TBCD: variants seen among roughly 807,000 people sequenced by gnomAD.
The protein encoded by TBCD is tubulin-specific chaperone D.
Under a neutral mutation model 169.3 loss-of-function variants are expected in TBCD, and 105 were observed. The ratio of observed to expected loss-of-function variants is 0.62; its 90% CI spans 0.53 to 0.73. The LOEUF (loss-of-function observed/expected upper bound fraction) is 0.73, where lower values mean the gene tolerates loss of function less well. Ranked by LOEUF, TBCD falls within the 30% of genes least tolerant of loss-of-function variation. The pLI is 0.00. For synonymous variants in TBCD, 700 were observed against 643.9 expected (o/e 1.09, Z -1.32); for missense variants, 1,444 against 1,600.1 (o/e 0.90, Z 1.66).
intron 13 of TBCD, among the ~76,000 whole-genome samples, chr17:82,846,055 G>T (rs189407050): frequency 6.6e-6 from 1 of 152,214 alleles, no homozygotes; most frequent in African/African-American, 2.4e-5. Context: ...GAACGGCTCC[G>T]GGCCGGAGGG....
chr17:82,883,968 G>C (rs80073406), intron 14 of TBCD, among the ~76,000 whole-genome samples, 177 bp from the exon 15 acceptor site: 5,230 of 152,256 alleles, frequency 0.034, 300 homozygotes, highest in African/African-American at 0.12. Context: ...CTGGTGTCTT[G>C]GGGGTCACAT....
chr17:82,936,841 AACAAC>A (rs1310682016), intron 34 of TBCD, among the ~76,000 whole-genome samples: 1 of 152,180 alleles, frequency 6.6e-6, no homozygotes, highest in African/African-American at 2.4e-5. Flanking sequence ...GAAGGCTCAA[AACAAC>A]ACTGCACAGC....
Position 82,782,685 on chromosome 17 carries a change from C to T in TBCD, c.771+964C>T, listed in dbSNP as rs2049024559. 6.6e-6 allele frequency among the ~76,000 whole-genome samples: 1 copy of T among 152,148 alleles called. No individual in the cohort carries two copies. The highest frequency in any genetic ancestry group is 1.5e-5 in the Non-Finnish European group (1 of 68,032). On this transcript the variant is annotated intron_variant, in intron 7 of 38. Transcript: ENST00000355528. This position sits in a 1 kb window ranked among gnomAD's most constrained non-coding sequence, Gnocchi z 5.1. ...GCGTTTTAGGGGAGATGATGAGTGC[C>T]ACCTCGCCACGGCGTCCTCCTGTCC...
chr17:82,938,217 T>C, intron 36 of TBCD, 81 bp downstream of exon 36: 1 of 1,446,238 alleles, frequency 6.9e-7, no homozygotes. Flanking sequence ...GCTGGCACTG[T>C]TGTGTTGGTG....
chr17:82,880,921 G>A lies in TBCD; in HGVS notation c.1476-3224G>A, dbSNP rs1022544006. Among the ~76,000 whole-genome samples the A allele has an allele frequency of 5.4e-5, 8 of 147,538 alleles. No individual in the cohort carries two copies. Among genetic ancestry groups the A allele is most frequent in the African/African-American group, 7.3e-5 (3 of 41,112 alleles). On this transcript the variant is annotated intron_variant, in intron 14 of 38. Coordinates refer to ENST00000355528, the MANE Select transcript of TBCD (RefSeq NM_005993.5). This position sits in a 1 kb window ranked among gnomAD's most constrained non-coding sequence, Gnocchi z 5.0. The stretch of plus-strand genomic sequence containing the variant: ...GGGTAGACTTTGGATGGCTCCAGGC[G>A]GAACTCGGGGAAGGAGGCCGTGTAC...
chr17:82,943,372 T>C lies in TBCD; in HGVS notation c.*909T>C, dbSNP rs552781084. On this transcript the variant is annotated 3_prime_UTR_variant, in exon 39 of 39. Transcript: ENST00000355528. ...ATCTCTGGGACCTGTGCTGTGCTCA[T>C]AGGGCTTGAGGTGCAGAACCACGGC... 1 of 152,244 alleles carries C rather than the reference T, an allele frequency of 6.6e-6. No homozygotes were observed. Among genetic ancestry groups the C allele is most frequent in the Non-Finnish European group, 1.5e-5 (1 of 68,090 alleles). The allele number at this position is 152,244 out of a possible 1,614,324, so 9.4% of individuals were successfully genotyped here. A position where few individuals can be genotyped will look rare whatever the true frequency, so the allele number is the denominator to read the frequency against.
intron 7 of TBCD, among the ~76,000 whole-genome samples, chr17:82,791,516 G>A (rs2049728555): frequency 1.3e-5 from 2 of 152,258 alleles, no homozygotes; most frequent in South Asian, 4.1e-4. Flanking sequence ...TTGCCTTTGG[G>A]CAGGGGGCAC....
chr17:82,899,321 G>C (rs974619328), intron 17 of TBCD, among the ~76,000 whole-genome samples: 1 of 149,980 alleles, frequency 6.7e-6, no homozygotes, highest in Non-Finnish European at 1.5e-5. Context: ...TGTCCTCAGC[G>C]CGCGCGTCCT....
rs78608326 is a variant in TBCD at position 82,938,340 on chromosome 17, C to T, written c.3369+204C>T. 5.8e-4 allele frequency among the ~76,000 whole-genome samples: 88 copies of T among 152,292 alleles called. 1 individual carries two copies. In the East Asian group the frequency reaches 0.015, roughly 26 times the overall value. On this transcript the variant is annotated intron_variant, in intron 36 of 38. Coordinates refer to ENST00000355528, the MANE Select transcript of TBCD (RefSeq NM_005993.5). The stretch of plus-strand genomic sequence containing the variant: ...GTTCTGGCTTTAAGGACGGGCTGTC[C>T]GGCTGGCGTTTCTATGGACATACAT...
At chr17:82,830,502 G>A (rs1191837825) in intron 13 of TBCD, 3 of 1,613,532 alleles carry the variant, frequency 1.9e-6, no homozygotes, top group Admixed American at 3.3e-5. Context: ...CGTCACCGTC[G>A]AGGCTGCCTG....
At chr17:82,760,667 C>T (rs752572591) in intron 2 of TBCD, among the ~76,000 whole-genome samples, 2 of 152,184 alleles carry the variant, frequency 1.3e-5, no homozygotes, top group Non-Finnish European at 2.9e-5. Flanking sequence ...ATAGAGTTCA[C>T]TCTTCTAAAT....
chr17:82,899,189 C>T (rs1489547813), intron 17 of TBCD, among the ~76,000 whole-genome samples: 1 of 131,914 alleles, frequency 7.6e-6, no homozygotes, highest in African/African-American at 2.6e-5. Context: ...CGGCTCGTGT[C>T]CTCAGCGCGT....
intron 13 of TBCD, among the ~76,000 whole-genome samples, chr17:82,839,587 T>C (rs928088829): frequency 6.6e-6 from 1 of 152,242 alleles, no homozygotes; most frequent in Non-Finnish European, 1.5e-5. Flanking sequence ...CCTTACCTCT[T>C]GTTAGCATTT....
intron 8 of TBCD, among the ~76,000 whole-genome samples, chr17:82,799,786 C>G (rs2050374074): frequency 2.0e-5 from 3 of 152,220 alleles, no homozygotes; most frequent in African/African-American, 4.8e-5. Flanking sequence ...CACAGACCTC[C>G]CTCTTGGGCT....
chr17:82,873,308 G>T (rs2057740151), intron 14 of TBCD, among the ~76,000 whole-genome samples: 1 of 152,218 alleles, frequency 6.6e-6, no homozygotes, highest in South Asian at 2.1e-4. Flanking sequence ...AGTCGGGCCA[G>T]GGTTGAGGGC....
chr17:82,799,802 G>A (rs2050375466), intron 8 of TBCD, among the ~76,000 whole-genome samples: 1 of 152,222 alleles, frequency 6.6e-6, no homozygotes, highest in South Asian at 2.1e-4. Context: ...GGGCTGTCGT[G>A]CTTGTCACCC....
intron 9 of TBCD, among the ~76,000 whole-genome samples, chr17:82,801,733 GAC>G: frequency 7.0e-6 from 1 of 142,264 alleles, no homozygotes; most frequent in Non-Finnish European, 1.5e-5. Context: ...GCAGGAGGGT[GAC>G]GTGTGCGTGA....
At chr17:82,877,097 G>C in intron 14 of TBCD, 1 of 604,626 alleles carries the variant, frequency 1.7e-6, no homozygotes, top group Non-Finnish European at 2.1e-6. Context: ...CAAGAATTCA[G>C]TGTAACATGT....
chr17:82,764,594 G>T (rs187106828), intron 3 of TBCD, among the ~76,000 whole-genome samples: 20 of 152,322 alleles, frequency 1.3e-4, no homozygotes, highest in African/African-American at 4.8e-4. Context: ...GCAGTGAGCC[G>T]AGATCATGCT....
Sources: allele counts gnomAD v4.1 joint callset (sites outside exome capture counted in the v4.1 genomes callset), GRCh38; gene constraint gnomAD v4.1.1; non-coding constraint Gnocchi (gnomAD v3.1); transcripts MANE v1.5; gene names NCBI Gene and HGNC (gene_info 2026-07-23, HGNC 2026-07-21).